Variants in SLC25A35 observed in about 807,000 individuals in gnomAD.
The protein encoded by SLC25A35 is solute carrier family 25 member 35.
SLC25A35 carries 32 observed loss-of-function variants against 30.5 expected under a neutral mutation model. The ratio of observed to expected loss-of-function variants is 1.05; its 90% confidence interval spans 0.79 to 1.41. The LOEUF (loss-of-function observed/expected upper bound fraction) is 1.41. SLC25A35 is among the 40% of genes most tolerant of loss of function. SLC25A35 has a pLI of 0.00. For synonymous variants in SLC25A35, 142 were observed against 158.1 expected, an observed-to-expected ratio of 0.90 and a Z score of 0.77; for missense variants, 369 against 388.0, an observed-to-expected ratio of 0.95 and a Z score of 0.41.
chr17:8,294,872 G>A lies in SLC25A35; in HGVS notation c.-65C>T. The A allele has an allele frequency of 6.6e-7, 1 of 1,514,332 alleles. No individual in the cohort carries two copies. The highest frequency in any genetic ancestry group is 8.8e-7 in the Non-Finnish European group (1 of 1,133,888). The allele number at this position is 1,514,332 out of a possible 1,614,324, so 93.8% of individuals were successfully genotyped here. ...AAGTAAAAATGGGTGTCAGAAAGCG[G>A]GGTTGGAAGACAGGGGGAAGGCCTG... On this transcript the variant is annotated 5_prime_UTR_variant, in exon 1 of 5. Coordinates refer to ENST00000577745, the MANE Select transcript of SLC25A35 (RefSeq NM_001320870.2).
chr17:8,294,162 G>T (rs1342294153), intron 1 of SLC25A35, among the ~76,000 whole-genome samples: 1 of 152,064 alleles, frequency 6.6e-6, no homozygotes, highest in Non-Finnish European at 1.5e-5. Context: ...TGATCCGCCC[G>T]CCTTGGCCTC....
chr17:8,291,414 G>T lies in SLC25A35; in HGVS notation c.513C>A (p.Gly171=). The change falls in exon 3 of 5, where the codon GGC becomes GGA. Residue 171 remains glycine, a synonymous_variant. Transcript: ENST00000577745. ...AACCGACGATAACTCGGGGCAGGCC[G>T]CCCAGAGCCCCACGCCATAACCCCA... ...GLVGLWRGAL[G]GLPRVIVGSS... 2 of 1,614,178 alleles carry T rather than the reference G, an allele frequency of 1.2e-6. No individual in the cohort carries two copies. The highest frequency in any genetic ancestry group is 1.1e-5 in the South Asian group (1 of 91,088).
intron 1 of SLC25A35, among the ~76,000 whole-genome samples, chr17:8,293,778 C>T (rs185956153): frequency 1.3e-5 from 2 of 150,278 alleles, no homozygotes; most frequent in Non-Finnish European, 3.0e-5. Context: ...GTCTCCATCT[C>T]CTGACCTCGT....
rs781665693 is a variant in SLC25A35 at position 8,290,875 on chromosome 17, C to G, written c.696G>C (p.Arg232Ser). The change falls in exon 4 of 5, where the codon AGG (arginine) becomes AGC (serine). Residue 232 changes from arginine to serine, a missense_variant. Coordinates refer to ENST00000577745, the MANE Select transcript of SLC25A35 (RefSeq NM_001320870.2). ...AMAPFDVACT[R>S]LYNQPTDAQG... ...GTGCATCTGTGGGCTGGTTGTAGAG[C>G]CTTGTGCAGGCCACATCAAAGGGTG... 2.7e-5 allele frequency: 43 copies of G among 1,613,992 alleles called. No individual in the cohort carries two copies. In the Admixed American group the frequency reaches 3.8e-4, roughly 14 times the overall value.
downstream of SLC25A35, chr17:8,289,234 C>T (rs1403183095): frequency 1.2e-6 from 2 of 1,612,318 alleles, no homozygotes; most frequent in African/African-American, 1.3e-5. Context: ...GATGTCCCTT[C>T]CTGACCCCGC....
intron 4 of SLC25A35, 59 bp downstream of exon 4, chr17:8,290,782 AC>A: frequency 6.2e-7 from 1 of 1,604,758 alleles, no homozygotes; most frequent in South Asian, 1.1e-5. Flanking sequence ...TCCCACCTGC[AC>A]CCGCAATCTG....
chr17:8,294,952 C>T lies in SLC25A35; in HGVS notation c.-145G>A. 1 of 1,432,916 alleles carries T rather than the reference C, an allele frequency of 7.0e-7. No individual in the cohort carries two copies. Among genetic ancestry groups the T allele is most frequent in the Non-Finnish European group, 9.1e-7 (1 of 1,098,234 alleles). The allele number at this position is 1,432,916 out of a possible 1,614,324, so 88.8% of individuals were successfully genotyped here. ...AATTTAGATTTGCAGTCAAGGGTGT[C>T]AGGGTCAAATGTCAAGTGGTCAAAC... On this transcript the variant is annotated 5_prime_UTR_variant, in exon 1 of 5. Coordinates refer to ENST00000577745, the MANE Select transcript of SLC25A35 (RefSeq NM_001320870.2).
At chr17:8,289,465 A>T, downstream of SLC25A35, 1 of 1,614,182 alleles carries the variant, frequency 6.2e-7, no homozygotes, top group Non-Finnish European at 8.5e-7. Context: ...GCGGGGACGC[A>T]GAGATCCAGG....
chr17:8,291,649 A>G (rs1241746862), intron 2 of SLC25A35, among the ~76,000 whole-genome samples, 164 bp from the exon 3 acceptor site: 1 of 152,108 alleles, frequency 6.6e-6, no homozygotes, highest in African/African-American at 2.4e-5. Flanking sequence ...TAGCCACCCC[A>G]TTGTTCCTTC....
Position 8,290,392 on chromosome 17 carries a change from G to T in SLC25A35, c.*113C>A. 3 of 1,465,090 alleles carry T rather than the reference G, an allele frequency of 2.0e-6. No homozygotes were observed. Among genetic ancestry groups the T allele is most frequent in the Non-Finnish European group, 1.8e-6 (2 of 1,111,182 alleles). The allele number at this position is 1,465,090 out of a possible 1,614,324, so 90.8% of individuals were successfully genotyped here. A position where few individuals can be genotyped will look rare whatever the true frequency, so the allele number is the denominator to read the frequency against. On this transcript the variant is annotated 3_prime_UTR_variant, in exon 5 of 5. Coordinates refer to ENST00000577745, the MANE Select transcript of SLC25A35 (RefSeq NM_001320870.2). ...TGAGAACAGATGGGGAGTGGGGTTG[G>T]CTGTCCCCCATGGATGGATGAAAGG...
chr17:8,289,182 C>T (rs1597440841), downstream of SLC25A35: 1 of 1,602,368 alleles, frequency 6.2e-7, no homozygotes, highest in East Asian at 2.2e-5. Context: ...GGGCCGGGAG[C>T]CAGGCCTGCA....
chr17:8,293,931 T>TTTTTTTTTTTTTTTTTTTTTTTTTTTTTG (rs1491485762), intron 1 of SLC25A35, among the ~76,000 whole-genome samples: 1 of 126,832 alleles, frequency 7.9e-6, no homozygotes, highest in African/African-American at 3.0e-5. Context: ...TTTTTTTTTT[T>TTTTTTTTTTTTTTTTTTTTTTTTTTTTTG]GTGAGACGTA....
chr17:8,289,081 A>C (rs1328785594), downstream of SLC25A35: 6 of 1,612,888 alleles, frequency 3.7e-6, no homozygotes, highest in Admixed American at 8.3e-5. Flanking sequence ...CGGTGAGGGA[A>C]TGGCCCCCGG....
intron 1 of SLC25A35, among the ~76,000 whole-genome samples, chr17:8,293,764 G>A (rs1413775455): frequency 2.0e-5 from 3 of 150,178 alleles, no homozygotes; most frequent in African/African-American, 4.9e-5. Flanking sequence ...TGTTAGCCAG[G>A]ATGGTCTCCA....
At chr17:8,289,034 C>T, downstream of SLC25A35, 1 of 1,614,024 alleles carries the variant, frequency 6.2e-7, no homozygotes, top group East Asian at 2.2e-5. Flanking sequence ...TGGAACTTCT[C>T]GAGCTGCAGG....
chr17:8,289,185 G>A, downstream of SLC25A35: 1 of 1,603,348 alleles, frequency 6.2e-7, no homozygotes, highest in Non-Finnish European at 8.5e-7. Flanking sequence ...CCGGGAGCCA[G>A]GCCTGCAACT....
intron 1 of SLC25A35, among the ~76,000 whole-genome samples, chr17:8,293,915 C>T (rs1990676916): frequency 3.0e-5 from 4 of 132,374 alleles, no homozygotes; most frequent in African/African-American, 1.2e-4. Flanking sequence ...AGCCCATAAT[C>T]TTTTTTTTTT....
downstream of SLC25A35, chr17:8,289,133 C>A (rs1230765929): frequency 1.9e-6 from 3 of 1,602,378 alleles, no homozygotes; most frequent in Non-Finnish European, 2.6e-6. Context: ...TGGGCGGGGC[C>A]CGCGGCCGAC....
downstream of SLC25A35, chr17:8,289,115 C>T: frequency 6.2e-7 from 1 of 1,605,536 alleles, no homozygotes; most frequent in Non-Finnish European, 8.5e-7. Flanking sequence ...GGGGCGGGGT[C>T]GGACCAGTGG....
Sources: allele counts gnomAD v4.1 joint callset (sites outside exome capture counted in the v4.1 genomes callset), GRCh38; gene constraint gnomAD v4.1.1; transcripts MANE v1.5; gene names NCBI Gene and HGNC (gene_info 2026-07-23, HGNC 2026-07-21).